EML2: variants seen among roughly 807,000 people sequenced by gnomAD.
EML2 encodes EMAP like 2.
In EML2, 59 loss-of-function variants were observed where a neutral mutation model predicts 84.7. That is an observed-to-expected ratio of 0.70 (90% CI 0.56 to 0.86). The LOEUF is 0.86. Among genes scored for constraint, EML2 ranks in the 40% least tolerant of loss-of-function variants. The pLI, the probability that EML2 is intolerant of heterozygous loss-of-function variation, is 0.00. For missense variants in EML2, 818 were observed against 855.6 expected (o/e 0.96, Z 0.55); for synonymous variants, 352 against 348.9 (o/e 1.01, Z -0.10).
At chr19:45,640,748 G>C (rs1219578533), upstream of EML2, 1 of 152,110 alleles carries the variant, frequency 6.6e-6, no homozygotes, top group South Asian at 2.1e-4. Context: ...AAAGACGAGG[G>C]CTCGCTATTT....
At chr19:45,632,618 G>C (rs1171988518) in intron 6 of EML2, 1 of 505,280 alleles carries the variant, frequency 2.0e-6, no homozygotes, top group Non-Finnish European at 3.6e-6. Context: ...AAACCCGCCT[G>C]CAAATGGGCA....
intron 4 of EML2, among the ~76,000 whole-genome samples, chr19:45,633,600 G>T (rs1484082934): frequency 1.3e-5 from 2 of 152,084 alleles, no homozygotes; most frequent in Non-Finnish European, 2.9e-5. Flanking sequence ...TTAGCTGGGC[G>T]TGGTGGCGGG....
At chr19:45,610,155 T>A (rs1600046936) in intron 18 of EML2, among the ~76,000 whole-genome samples, 1 of 152,072 alleles carries the variant, frequency 6.6e-6, no homozygotes, top group African/African-American at 2.4e-5. Context: ...CCCAGCACTT[T>A]GGGAGGCCGA....
chr19:45,632,513 T>G, intron 6 of EML2: 1 of 199,924 alleles, frequency 5.0e-6, no homozygotes, highest in Non-Finnish European at 1.0e-5. Context: ...AAGCCCACAA[T>G]CACACACTTG....
chr19:45,639,456 G>T (rs1259224633), upstream of EML2: 2 of 1,229,622 alleles, frequency 1.6e-6, no homozygotes, highest in Non-Finnish European at 2.0e-6. Flanking sequence ...AGGCGCCCGG[G>T]CCGCCGCGCC....
upstream of EML2, chr19:45,645,385 C>T (rs1159947003): frequency 3.3e-6 from 5 of 1,511,834 alleles, no homozygotes; most frequent in South Asian, 3.7e-5. Context: ...CAGCCCGGGC[C>T]CGGTCCCCCC....
chr19:45,642,635 C>A, upstream of EML2: 3 of 842,842 alleles, frequency 3.6e-6, no homozygotes, highest in East Asian at 4.6e-5. Context: ...AGTCTGTGAA[C>A]CCAGGAGCCT....
At chr19:45,634,502 G>A in intron 3 of EML2, 31 bp from the exon 4 acceptor site, 1 of 1,499,286 alleles carries the variant, frequency 6.7e-7, no homozygotes, top group South Asian at 1.4e-5. Context: ...GTTAAGGAAT[G>A]TGTTTTGTTG....
chr19:45,638,934 A>G, intron 1 of EML2, 61 bp from the exon 2 acceptor site: 2 of 1,597,356 alleles, frequency 1.3e-6, no homozygotes, highest in African/African-American at 1.3e-5. Context: ...AAAGGGGAGA[A>G]ACCATTCCTC....
chr19:45,643,625 T>C, upstream of EML2: 1 of 1,536,110 alleles, frequency 6.5e-7, no homozygotes, highest in Non-Finnish European at 8.7e-7. Flanking sequence ...GTTCCCAGCC[T>C]GGTGGAAGTA....
At chr19:45,616,151 G>A (rs1417272457) in intron 15 of EML2, 7 of 558,970 alleles carry the variant, frequency 1.3e-5, no homozygotes, top group African/African-American at 5.7e-5. Flanking sequence ...GGCTAGACAC[G>A]GAGGAGCTGG....
At chr19:45,621,881 A>AT (rs1172091443) in intron 9 of EML2, among the ~76,000 whole-genome samples, 2 of 151,406 alleles carry the variant, frequency 1.3e-5, no homozygotes, top group African/African-American at 4.9e-5. Flanking sequence ...AGTAGCTGGG[A>AT]TTACAGGCGC....
upstream of EML2, chr19:45,641,646 C>CT: frequency 3.3e-6 from 5 of 1,536,152 alleles, no homozygotes; most frequent in Non-Finnish European, 4.4e-6. Flanking sequence ...CTTACCCTTC[C>CT]TTTTTGGCGC....
chr19:45,636,514 C>G (rs1047883545), intron 3 of EML2, among the ~76,000 whole-genome samples: 3 of 152,154 alleles, frequency 2.0e-5, no homozygotes, highest in African/African-American at 7.2e-5. Context: ...CTGTGGATTC[C>G]CCATCCCAGT....
At chr19:45,614,807 G>A in intron 16 of EML2, 107 bp from the exon 17 acceptor site, 1 of 893,078 alleles carries the variant, frequency 1.1e-6, no homozygotes, top group Non-Finnish European at 1.8e-6. Context: ...GGAGGCTAAG[G>A]TCCCAGGGCT....
chr19:45,638,463 T>TG, intron 3 of EML2, 42 bp downstream of exon 3: 4 of 1,612,980 alleles, frequency 2.5e-6, no homozygotes, highest in Non-Finnish European at 3.4e-6. Context: ...TATTTCCTCC[T>TG]GGGGGGATGG....
At chr19:45,615,573 A>T (rs920877056) in intron 16 of EML2, among the ~76,000 whole-genome samples, 3 of 150,070 alleles carry the variant, frequency 2.0e-5, no homozygotes, top group African/African-American at 7.3e-5. Flanking sequence ...TTAAAAATGT[A>T]AAAAAAGAAA....
chr19:45,645,570 A>T, upstream of EML2: 1 of 915,896 alleles, frequency 1.1e-6, no homozygotes, highest in Non-Finnish European at 1.5e-6. Flanking sequence ...TCCTAGGGCC[A>T]GGATTGGCTG....
At chr19:45,636,057 A>G (rs980508198) in intron 3 of EML2, among the ~76,000 whole-genome samples, 5 of 152,198 alleles carry the variant, frequency 3.3e-5, no homozygotes, top group Admixed American at 3.3e-4. Context: ...GGCAGCCTCA[A>G]TCTCCTGGGC....
Sources: allele counts gnomAD v4.1 joint callset (sites outside exome capture counted in the v4.1 genomes callset), GRCh38; gene constraint gnomAD v4.1.1; transcripts MANE v1.5; gene names NCBI Gene and HGNC (gene_info 2026-07-23, HGNC 2026-07-21).